Variants in RAP1B observed in about 807,000 individuals in gnomAD.
RAP1B encodes RAP1B, member of RAS oncogene family, also known as ras-related protein Rap-1b.
RAP1B carries 1 observed loss-of-function variant against 27.5 expected under a neutral mutation model. That is an observed-to-expected ratio of 0.04 (90% CI 0.01 to 0.17). The LOEUF (loss-of-function observed/expected upper bound fraction) is 0.17, where lower values mean the gene tolerates loss of function less well. Among genes scored for constraint, RAP1B ranks in the 10% least tolerant of loss-of-function variants. The pLI is 1.00. For synonymous variants in RAP1B, 75 were observed against 73.1 expected (o/e 1.03, Z -0.13); for missense variants, 84 against 214.8 (o/e 0.39, Z 3.81).
chr12:68,639,843 ATT>A (rs749778636), intron 1 of RAP1B, among the ~76,000 whole-genome samples: 4 of 141,662 alleles, frequency 2.8e-5, no homozygotes, highest in African/African-American at 2.6e-5. Flanking sequence ...CCCACCAAAG[ATT>A]TTTTTTTTTT....
rs111912776 is a variant in RAP1B, at chr12:68,664,703, CAA to C, written c.*5461_*5462del. The C allele has an allele frequency of 6.8e-6, 1 of 148,122 alleles. No individual in the cohort carries two copies. Among genetic ancestry groups the C allele is most frequent in the African/African-American group, 2.5e-5 (1 of 39,874 alleles). The allele number at this position is 148,122 out of a possible 1,614,324, so 9.2% of individuals were successfully genotyped here. On this transcript the variant is annotated 3_prime_UTR_variant, in exon 8 of 8. Transcript: ENST00000250559. ...CAGCATGGGCAACAGAGTGAGACTG[CAA>C]AAAAAAGAAAAAGAAAAAAAAATCC...
chr12:68,619,669 T>C (rs1383483567), intron 1 of RAP1B, among the ~76,000 whole-genome samples: 5 of 152,246 alleles, frequency 3.3e-5, no homozygotes, highest in Non-Finnish European at 7.3e-5. Context: ...TATTTTTCCA[T>C]GCTTTGCTCT....
At chr12:68,653,506 G>T (rs1251041864) in intron 4 of RAP1B, among the ~76,000 whole-genome samples, 1 of 152,094 alleles carries the variant, frequency 6.6e-6, no homozygotes, top group African/African-American at 2.4e-5. Context: ...AGATACAGTT[G>T]GGGTGCTTTA....
intron 1 of RAP1B, among the ~76,000 whole-genome samples, chr12:68,622,316 A>G (rs1213713160): frequency 6.6e-6 from 1 of 152,038 alleles, no homozygotes; most frequent in East Asian, 1.9e-4. Context: ...TCCCCACATT[A>G]TTTTCTACCC....
intron 1 of RAP1B, among the ~76,000 whole-genome samples, chr12:68,638,931 G>T (rs957864332): frequency 6.6e-6 from 1 of 152,180 alleles, no homozygotes; most frequent in South Asian, 2.1e-4. Context: ...AAAGTGCTGG[G>T]ATTACAGACA....
intron 1 of RAP1B, among the ~76,000 whole-genome samples, chr12:68,626,007 T>C (rs967065165): frequency 6.6e-6 from 1 of 152,122 alleles, no homozygotes; most frequent in African/African-American, 2.4e-5. Flanking sequence ...AACAGCAAAA[T>C]GAAATAAAAT....
chr12:68,618,251 T>C (rs1328651788), intron 1 of RAP1B, among the ~76,000 whole-genome samples: 1 of 151,902 alleles, frequency 6.6e-6, no homozygotes, highest in Admixed American at 6.6e-5. Context: ...CACGCCTGGC[T>C]AATTTTTTTT....
At chr12:68,617,699 T>C (rs1871124779) in intron 1 of RAP1B, among the ~76,000 whole-genome samples, 1 of 152,218 alleles carries the variant, frequency 6.6e-6, no homozygotes, top group Non-Finnish European at 1.5e-5. Context: ...CATACTGTTG[T>C]TAGAGTTGTT....
chr12:68,642,036 A>G (rs1483044315), intron 1 of RAP1B, among the ~76,000 whole-genome samples: 2 of 152,210 alleles, frequency 1.3e-5, no homozygotes, highest in African/African-American at 2.4e-5. Context: ...CATTTCGCAT[A>G]TATGCTACAG....
intron 1 of RAP1B, among the ~76,000 whole-genome samples, chr12:68,644,605 A>G (rs1373417961): frequency 2.7e-5 from 4 of 150,274 alleles, no homozygotes; most frequent in Non-Finnish European, 5.9e-5. Flanking sequence ...TCGAGCAGTG[A>G]TTCTCAACTG....
intron 1 of RAP1B, among the ~76,000 whole-genome samples, chr12:68,613,071 C>T (rs1056684586): frequency 6.6e-6 from 1 of 152,166 alleles, no homozygotes; most frequent in South Asian, 2.1e-4. Flanking sequence ...AATGATTGCT[C>T]TGGCTGGGCG....
chr12:68,668,863 T>G lies in RAP1B; in HGVS notation c.*9614T>G, dbSNP rs1401563782. The G allele has an allele frequency of 2.0e-5, 3 of 152,230 alleles. No individual in the cohort carries two copies. Among genetic ancestry groups the G allele is most frequent in the Admixed American group, 6.5e-5 (1 of 15,278 alleles). The allele number at this position is 152,230 out of a possible 1,614,324, so 9.4% of individuals were successfully genotyped here. A position where few individuals can be genotyped will look rare whatever the true frequency, so the allele number is the denominator to read the frequency against. On this transcript the variant is annotated 3_prime_UTR_variant, in exon 8 of 8. Transcript: ENST00000250559. ...ATAGTTGGGAAATAATACTAGTTAT[T>G]TCTTGGACACCCTAAGATGTGCCAC...
At chr12:68,614,328 C>G (rs558668240) in intron 1 of RAP1B, among the ~76,000 whole-genome samples, 3 of 152,324 alleles carry the variant, frequency 2.0e-5, no homozygotes, top group African/African-American at 7.2e-5. Context: ...GACTATCACA[C>G]AGATCTTACT....
chr12:68,647,317 G>C (rs1873479305), intron 1 of RAP1B, among the ~76,000 whole-genome samples: 2 of 142,032 alleles, frequency 1.4e-5, no homozygotes, highest in African/African-American at 2.6e-5. Flanking sequence ...GGTGGATCAT[G>C]AGGTCAAGAG....
At chr12:68,651,973 T>C (rs762642977) in intron 3 of RAP1B, 22 bp from the exon 4 acceptor site, 12 of 1,599,540 alleles carry the variant, frequency 7.5e-6, no homozygotes, top group Admixed American at 1.7e-5. Flanking sequence ...AAAATGAACA[T>C]GTATTTTAAT....
intron 1 of RAP1B, among the ~76,000 whole-genome samples, chr12:68,638,821 C>A (rs1225887789): frequency 6.6e-6 from 1 of 151,986 alleles, no homozygotes; most frequent in Non-Finnish European, 1.5e-5. Flanking sequence ...CCACCAAACC[C>A]GACTGATTTT....
At chr12:68,623,214 A>C (rs1871508120) in intron 1 of RAP1B, among the ~76,000 whole-genome samples, 1 of 152,238 alleles carries the variant, frequency 6.6e-6, no homozygotes. Flanking sequence ...AACTGTTAGC[A>C]GTTCAGAATA....
chr12:68,632,979 G>A (rs903949930), intron 1 of RAP1B, among the ~76,000 whole-genome samples: 4 of 152,208 alleles, frequency 2.6e-5, no homozygotes, highest in East Asian at 3.9e-4. Context: ...GTTGGCAGGC[G>A]ATTTTTATAT....
At chr12:68,637,658 C>T (rs959776609) in intron 1 of RAP1B, among the ~76,000 whole-genome samples, 1 of 147,462 alleles carries the variant, frequency 6.8e-6, no homozygotes, top group African/African-American at 2.5e-5. Flanking sequence ...TAAATGACCA[C>T]CCCCCTGGTA....
Sources: allele counts gnomAD v4.1 joint callset (sites outside exome capture counted in the v4.1 genomes callset), GRCh38; gene constraint gnomAD v4.1.1; transcripts MANE v1.5; gene names NCBI Gene and HGNC (gene_info 2026-07-23, HGNC 2026-07-21).